Variants in WDR70 observed in about 807,000 individuals in gnomAD.
WDR70 encodes WD repeat domain 70, also known as WD repeat-containing protein 70.
Under a neutral mutation model 88.6 loss-of-function variants are expected in WDR70, and 53 were observed. That is an observed-to-expected ratio of 0.60 (90% confidence interval 0.48 to 0.75). WDR70 has a LOEUF of 0.75. Among genes scored for constraint, WDR70 ranks in the 30% least tolerant of loss-of-function variants. The pLI, the probability that WDR70 is intolerant of heterozygous loss-of-function variation, is 0.00. For missense variants in WDR70, 610 were observed against 823.2 expected, an observed-to-expected ratio of 0.74 and a Z score of 3.17; for synonymous variants, 280 against 270.0, an observed-to-expected ratio of 1.04 and a Z score of -0.36.
chr5:37,714,620 G>GA lies in WDR70; in HGVS notation c.1417-6493dup, dbSNP rs1210759153. On this transcript the variant is annotated intron_variant, in intron 13 of 17. Coordinates refer to ENST00000265107, the MANE Select transcript of WDR70 (RefSeq NM_018034.4). ...TATCCCATTCTGTGCCCACCAGTGG[G>GA]AAGCTCTGCTGCATCTAAGTGGATC... Among the ~76,000 whole-genome samples the GA allele has an allele frequency of 5.3e-5, 8 of 152,164 alleles. 1 individual carries two copies. Among genetic ancestry groups the GA allele is most frequent in the African/African-American group, 1.9e-4 (8 of 41,448 alleles).
At chr5:37,502,766 A>T (rs1740443891) in intron 8 of WDR70, among the ~76,000 whole-genome samples, 1 of 152,226 alleles carries the variant, frequency 6.6e-6, no homozygotes, top group African/African-American at 2.4e-5. Flanking sequence ...GTGGCAGAAG[A>T]TGAAGCAGGA....
chr5:37,731,326 A>G (rs369075642), intron 17 of WDR70, among the ~76,000 whole-genome samples: 37 of 152,296 alleles, frequency 2.4e-4, no homozygotes, highest in African/African-American at 8.9e-4. Context: ...AGAACAGACT[A>G]TGTAATGTCA....
rs1747932880 is a variant in WDR70, at chr5:37,725,054, A to G, written c.1714+4A>G. 6.2e-7 allele frequency: 1 copy of G among 1,612,514 alleles called. No individual in the cohort carries two copies. The highest frequency in any genetic ancestry group is 8.5e-7 in the Non-Finnish European group (1 of 1,178,944). The stretch of plus-strand genomic sequence containing the variant: ...GAACCTCCTGTAGCAGGCCCAGGTG[A>G]CTGTGATCCAGCTAGTGACCTGCAG... On this transcript the variant is annotated splice_donor_region_variant and intron_variant, in intron 16 of 17. Transcript: ENST00000265107.
chr5:37,586,787 G>T (rs1198140170), intron 9 of WDR70, among the ~76,000 whole-genome samples: 1 of 151,954 alleles, frequency 6.6e-6, no homozygotes, highest in East Asian at 1.9e-4. Context: ...TTCCATGAGG[G>T]TCTGCCTTTT....
chr5:37,416,274 C>A (rs4607372), intron 5 of WDR70, among the ~76,000 whole-genome samples: 9 of 152,084 alleles, frequency 5.9e-5, no homozygotes, highest in African/African-American at 2.2e-4. Context: ...CTCGGGAGGC[C>A]GAGGCTGGCG....
At chr5:37,419,564 A>G (rs1749877205) in intron 5 of WDR70, among the ~76,000 whole-genome samples, 1 of 151,282 alleles carries the variant, frequency 6.6e-6, no homozygotes. Flanking sequence ...CTGTAATCCC[A>G]GCACTTTGGG....
In WDR70 at chr5:37,703,010, G is replaced by T; in HGVS notation, c.1339G>T (p.Gly447Ter). The stretch of plus-strand genomic sequence containing the variant: ...AGTCACTGGTACATCTATTCAAAGA[G>T]GATGTGGCAGCGGCAAACTTGTTTT... ...LIVTGTSIQRGCGSGKLVFFE... is the reference protein window; with the variant it reads ...LIVTGTSIQR Residue 447 changes from glycine (G) to a stop codon, truncating the protein, a stop_gained, in exon 13 of 18, where the codon GGA becomes TGA. Transcript: ENST00000265107. LOFTEE classifies it high-confidence loss of function. 6.2e-7 allele frequency: 1 copy of T among 1,613,920 alleles called. No individual in the cohort carries two copies. The highest frequency in any genetic ancestry group is 8.5e-7 in the Non-Finnish European group (1 of 1,179,836).
intron 10 of WDR70, among the ~76,000 whole-genome samples, chr5:37,619,450 C>T (rs988917433): frequency 4.6e-5 from 7 of 152,168 alleles, no homozygotes; most frequent in African/African-American, 1.7e-4. Flanking sequence ...AGCCATGTTT[C>T]TCAGCATCAG....
At chr5:37,585,883 G>A (rs1743350673) in intron 9 of WDR70, among the ~76,000 whole-genome samples, 1 of 152,080 alleles carries the variant, frequency 6.6e-6, no homozygotes, top group Non-Finnish European at 1.5e-5. Flanking sequence ...TGGCTTGCAA[G>A]GTCTTTCCCA....
chr5:37,449,840 C>T (rs1037725203), intron 7 of WDR70, among the ~76,000 whole-genome samples: 18 of 152,020 alleles, frequency 1.2e-4, no homozygotes, highest in African/African-American at 3.6e-4. Flanking sequence ...TGATGGTTTG[C>T]TGTACCCATT....
At chr5:37,610,258 T>A (rs1383796544) in intron 10 of WDR70, among the ~76,000 whole-genome samples, 1 of 128,220 alleles carries the variant, frequency 7.8e-6, no homozygotes, top group Non-Finnish European at 1.6e-5. Flanking sequence ...AGAGCAAGAC[T>A]CCGTCTCAAA....
At chr5:37,648,996 TA>T (rs1423453049) in intron 10 of WDR70, among the ~76,000 whole-genome samples, 3 of 152,296 alleles carry the variant, frequency 2.0e-5, no homozygotes, top group Admixed American at 2.0e-4. Context: ...GACGTAAAGC[TA>T]AAAAGTGTTA....
chr5:37,499,500 T>C (rs1331876689), intron 8 of WDR70, among the ~76,000 whole-genome samples: 1 of 152,004 alleles, frequency 6.6e-6, no homozygotes, highest in Non-Finnish European at 1.5e-5. Flanking sequence ...GAAGTGTTCA[T>C]TTTGTTAATG....
chr5:37,659,412 A>AT (rs974030791), intron 10 of WDR70, among the ~76,000 whole-genome samples: 67 of 151,288 alleles, frequency 4.4e-4, no homozygotes, highest in African/African-American at 1.3e-3. Flanking sequence ...CTGTTTTTCT[A>AT]TTTTTTTTAT....
Position 37,414,930 on chromosome 5 carries a change from C to T in WDR70, c.492+18360C>T, listed in dbSNP as rs1362237188. ...TTTTCCTAGGCAGAGGACCCTGCGGCCTTCCGCAGTGTTTGTGTCCCTGGG... is the reference window on the plus strand; with the variant it reads ...TTTTCCTAGGCAGAGGACCCTGCGGTCTTCCGCAGTGTTTGTGTCCCTGGG... On this transcript the variant is annotated intron_variant, in intron 5 of 17. Coordinates refer to ENST00000265107, the MANE Select transcript of WDR70 (RefSeq NM_018034.4). Among the ~76,000 whole-genome samples, 5 of 145,956 alleles carry T rather than the reference C, an allele frequency of 3.4e-5. No individual in the cohort carries two copies. The South Asian group carries it at 6.4e-4, about 19-fold the overall frequency.
chr5:37,692,116 TAA>T (rs1285362823), intron 10 of WDR70, among the ~76,000 whole-genome samples: 4 of 152,216 alleles, frequency 2.6e-5, no homozygotes, highest in African/African-American at 9.6e-5. Context: ...AAGAAATGGA[TAA>T]ATTCCTGGAC....
Position 37,523,007 on chromosome 5 carries a change from C to T in WDR70, c.917+6417C>T, listed in dbSNP as rs571590230. Among the ~76,000 whole-genome samples, 38 of 152,312 alleles carry T rather than the reference C, an allele frequency of 2.5e-4. 1 individual carries two copies. The highest frequency in any genetic ancestry group is 8.2e-4 in the African/African-American group (34 of 41,560). On this transcript the variant is annotated intron_variant, in intron 9 of 17. Coordinates refer to ENST00000265107, the MANE Select transcript of WDR70 (RefSeq NM_018034.4). ...GAAGCTTAAACTGGGTGGAGCCCACCGCAGCTCAAGGAGGCCTGCCTGCCT... is the reference window on the plus strand; with the variant it reads ...GAAGCTTAAACTGGGTGGAGCCCACTGCAGCTCAAGGAGGCCTGCCTGCCT...
In WDR70 at chr5:37,626,325, G is replaced by A. The variant is rs534442862; in HGVS notation, c.1092+21087G>A. 1.2e-4 allele frequency among the ~76,000 whole-genome samples: 18 copies of A among 152,244 alleles called. No individual in the cohort carries two copies. In the East Asian group the frequency reaches 3.3e-3, roughly 28 times the overall value. The stretch of plus-strand genomic sequence containing the variant: ...TTATTAAGAGTTTTTATCATGAAAC[G>A]ATGTTGAATTTTATCAAAAGCTATT... On this transcript the variant is annotated intron_variant, in intron 10 of 17. Coordinates refer to ENST00000265107, the MANE Select transcript of WDR70 (RefSeq NM_018034.4).
intron 8 of WDR70, among the ~76,000 whole-genome samples, chr5:37,485,351 A>G (rs573547309): frequency 6.6e-6 from 1 of 152,348 alleles, no homozygotes; most frequent in African/African-American, 2.4e-5. Context: ...ATGTGTTTGC[A>G]TAGAGTGTCA....
Sources: gnomAD v4.1 joint callset for allele counts (sites outside exome capture counted in the v4.1 genomes callset) on GRCh38, gnomAD v4.1.1 for gene constraint, MANE v1.5 for transcripts, NCBI Gene and HGNC (gene_info 2026-07-23, HGNC 2026-07-21) for gene names.